Variants in KLHL1 observed in about 807,000 individuals in gnomAD.
The protein encoded by KLHL1 is kelch like family member 1.
A neutral mutation model predicts 77.7 loss-of-function variants in KLHL1; 47 were observed. That is an observed-to-expected ratio of 0.60 (90% CI 0.48 to 0.77). The LOEUF is 0.77. Ranked by LOEUF, KLHL1 falls within the 30% of genes least tolerant of loss-of-function variation. The pLI is 0.00. For synonymous variants in KLHL1, 360 were observed against 325.2 expected (o/e 1.11, Z -1.15); for missense variants, 925 against 910.8 (o/e 1.02, Z -0.20).
chr13:69,998,646 A>C (rs1885214923), intron 1 of KLHL1, among the ~76,000 whole-genome samples: 2 of 152,044 alleles, frequency 1.3e-5, no homozygotes, highest in South Asian at 4.1e-4. Flanking sequence ...GACCTTAATT[A>C]GTTTGCTATT....
chr13:70,068,899 C>G (rs1316851997), intron 1 of KLHL1, among the ~76,000 whole-genome samples: 2 of 152,010 alleles, frequency 1.3e-5, no homozygotes, highest in African/African-American at 2.4e-5. Flanking sequence ...CTCCAGGAGC[C>G]CTACAAGGTT....
chr13:69,817,424 TA>T (rs67908374), intron 6 of KLHL1, among the ~76,000 whole-genome samples: 2,880 of 152,316 alleles, frequency 0.019, 64 homozygotes, highest in Middle Eastern at 0.048. Flanking sequence ...TCCTTTTTCA[TA>T]AATGAGCACC....
chr13:69,977,178 A>G (rs781163945), intron 1 of KLHL1, among the ~76,000 whole-genome samples: 48 of 152,258 alleles, frequency 3.2e-4, no homozygotes, highest in South Asian at 1.2e-3. Flanking sequence ...GTAGGTTTGT[A>G]AAGAAACTGG....
At chr13:69,777,005 ATCCCCACGTG>A (rs1297303718) in intron 7 of KLHL1, among the ~76,000 whole-genome samples, 1 of 151,652 alleles carries the variant, frequency 6.6e-6, no homozygotes, top group Non-Finnish European at 1.5e-5. Flanking sequence ...AGCTCCCATA[ATCCCCACGTG>A]TCATGGGTGG....
In KLHL1 at chr13:69,766,241, A is replaced by G. The variant is rs1292274775; in HGVS notation, c.1640-25685T>C. On this transcript the variant is annotated intron_variant, in intron 7 of 10. Transcript: ENST00000377844. The stretch of plus-strand genomic sequence containing the variant: ...CATATGGAAAACAGCAATCAAATAT[A>G]GGAGGAATTAACCCTCAAAGGTATA... Among the ~76,000 whole-genome samples the G allele has an allele frequency of 4.6e-5, 7 of 152,262 alleles. No individual in the cohort carries two copies. In the East Asian group the frequency reaches 1.4e-3, roughly 29 times the overall value.
At chr13:69,966,041 C>A (rs1457690759) in intron 2 of KLHL1, among the ~76,000 whole-genome samples, 1 of 152,054 alleles carries the variant, frequency 6.6e-6, no homozygotes, top group Non-Finnish European at 1.5e-5. Flanking sequence ...ATGGTTTTTG[C>A]CATTACTTTT....
At chr13:70,026,082 G>C (rs1189129628) in intron 1 of KLHL1, among the ~76,000 whole-genome samples, 16 of 152,018 alleles carry the variant, frequency 1.1e-4, no homozygotes, top group Non-Finnish European at 4.4e-5. Flanking sequence ...TATCCCTCTG[G>C]CTGCTCCATT....
chr13:70,095,470 C>T (rs1887766050), intron 1 of KLHL1, among the ~76,000 whole-genome samples: 1 of 152,178 alleles, frequency 6.6e-6, no homozygotes, highest in South Asian at 2.1e-4. Flanking sequence ...CATCTATGTC[C>T]CTGGCAGTGA....
chr13:69,990,411 G>A (rs1476892829), intron 1 of KLHL1, among the ~76,000 whole-genome samples: 2 of 152,010 alleles, frequency 1.3e-5, no homozygotes, highest in Non-Finnish European at 2.9e-5. Flanking sequence ...GGGGTATGGT[G>A]TCTTGAAGAG....
chr13:69,766,188 T>C (rs1875292261), intron 7 of KLHL1, among the ~76,000 whole-genome samples: 1 of 152,138 alleles, frequency 6.6e-6, no homozygotes, highest in South Asian at 2.1e-4. Context: ...TGAAATAAGA[T>C]TTTAAATTTA....
At chr13:69,767,838 C>T (rs1462574696) in intron 7 of KLHL1, among the ~76,000 whole-genome samples, 3 of 152,106 alleles carry the variant, frequency 2.0e-5, no homozygotes, top group Non-Finnish European at 4.4e-5. Flanking sequence ...CTTCTAGTGG[C>T]ATAGACTACT....
At chr13:69,769,151 G>T (rs17727284) in intron 7 of KLHL1, among the ~76,000 whole-genome samples, 10,079 of 152,250 alleles carry the variant, frequency 0.066, 468 homozygotes, top group Non-Finnish European at 0.1. Flanking sequence ...GCACAGGGTT[G>T]TAAGTCAAGG....
Position 69,796,598 on chromosome 13 carries a change from CTA to C in KLHL1, c.1639+138_1639+139del, listed in dbSNP as rs1419229936. ...AAGAATAGTGAGCCAAGAAATTTTT[CTA>C]TGTTAATTACCCAGGTTCAGGTATT... is the stretch of plus-strand genomic sequence containing the variant. On this transcript the variant is annotated intron_variant, in intron 7 of 10. Transcript: ENST00000377844. The C allele has an allele frequency of 4.5e-6, 3 of 670,870 alleles. No individual in the cohort carries two copies. The African/African-American group carries it at 5.4e-5, about 12-fold the overall frequency. 41.6% of individuals were successfully genotyped at this position (670,870 alleles called of 1,614,324 possible).
chr13:69,773,217 A>C (rs1247254093), intron 7 of KLHL1, among the ~76,000 whole-genome samples: 1 of 152,092 alleles, frequency 6.6e-6, no homozygotes, highest in East Asian at 1.9e-4. Flanking sequence ...CTTTAAGGGA[A>C]TATAATGTAG....
chr13:69,733,756 A>G (rs1025140436), intron 8 of KLHL1, among the ~76,000 whole-genome samples: 7 of 152,216 alleles, frequency 4.6e-5, no homozygotes, highest in Non-Finnish European at 7.3e-5. Flanking sequence ...TGGACAAATT[A>G]GGAAAACCAC....
chr13:70,007,384 T>C lies in KLHL1; in HGVS notation c.498-31582A>G, dbSNP rs149280246. On this transcript the variant is annotated intron_variant, in intron 1 of 10. Coordinates refer to ENST00000377844, the MANE Select transcript of KLHL1 (RefSeq NM_020866.3). ...CATATACATCTATATAGGTATATAT[T>C]GATACACATTATTATGTGCCACTGC... Among the ~76,000 whole-genome samples the C allele has an allele frequency of 3.6e-4, 54 of 151,906 alleles. 1 individual carries two copies. In the East Asian group the frequency reaches 0.01, roughly 28 times the overall value.
intron 1 of KLHL1, among the ~76,000 whole-genome samples, chr13:70,084,307 T>C (rs897373426): frequency 2.0e-5 from 3 of 152,168 alleles, no homozygotes; most frequent in African/African-American, 4.8e-5. Context: ...ATAGGGGATG[T>C]ACATGAACAG....
intron 6 of KLHL1, among the ~76,000 whole-genome samples, chr13:69,811,095 G>T (rs953501734): frequency 6.6e-6 from 1 of 151,854 alleles, no homozygotes; most frequent in African/African-American, 2.4e-5. Context: ...AATCAAGGAG[G>T]GGGGCCTCCT....
chr13:69,981,709 A>T (rs955559186), intron 1 of KLHL1, among the ~76,000 whole-genome samples: 4 of 151,962 alleles, frequency 2.6e-5, no homozygotes, highest in African/African-American at 9.7e-5. Flanking sequence ...AAATGTTCAC[A>T]TATTTTATAT....
Sources: allele counts gnomAD v4.1 joint callset (sites outside exome capture counted in the v4.1 genomes callset), GRCh38; gene constraint gnomAD v4.1.1; transcripts MANE v1.5; gene names NCBI Gene and HGNC (gene_info 2026-07-23, HGNC 2026-07-21).